The following ZP3 variants were observed in gnomAD, a reference collection of about 807,000 sequenced individuals.
ZP3 encodes the protein zona pellucida sperm-binding protein 3.
In ZP3, 21 loss-of-function variants were observed where a neutral mutation model predicts 35.6. The observed-to-expected ratio is 0.59, with a 90% CI of 0.42 to 0.85. The LOEUF is 0.85. ZP3 is among the 40% of genes least tolerant of loss of function. The pLI, the probability that ZP3 is intolerant of heterozygous loss-of-function variation, is 0.00. For missense variants in ZP3, 437 were observed against 536.5 expected, an observed-to-expected ratio of 0.81 and a Z score of 1.83; for synonymous variants, 207 against 214.5, an observed-to-expected ratio of 0.96 and a Z score of 0.31.
chr7:76,433,891 G>C (rs1407737828), intron 4 of ZP3, 147 bp from the exon 5 acceptor site: 1 of 927,506 alleles, frequency 1.1e-6, no homozygotes, highest in African/African-American at 1.7e-5. Context: ...TAGAGACAAG[G>C]TTTCACCATG....
upstream of ZP3, among the ~76,000 whole-genome samples, chr7:76,422,085 G>A (rs1176461543): frequency 9.9e-5 from 15 of 152,064 alleles, no homozygotes; most frequent in Non-Finnish European, 2.1e-4. Flanking sequence ...TAGTAGAGAC[G>A]GGGTTTCTCC....
chr7:76,403,778 C>T (rs1406737833), intron 1 of ZP3, among the ~76,000 whole-genome samples: 1 of 152,072 alleles, frequency 6.6e-6, no homozygotes, highest in Admixed American at 6.6e-5. Flanking sequence ...TCTCCTGCCT[C>T]AGCCTCCTGA....
chr7:76,416,885 C>T (rs867717085), intron 1 of ZP3, among the ~76,000 whole-genome samples: 22 of 139,740 alleles, frequency 1.6e-4, no homozygotes, highest in African/African-American at 5.3e-4. Context: ...TACACACATA[C>T]ATATATATAC....
At chr7:76,416,945 CAT>C (rs35169816) in intron 1 of ZP3, among the ~76,000 whole-genome samples, 28,105 of 72,794 alleles carry the variant, frequency 0.39, 3,376 homozygotes, top group East Asian at 0.56. Flanking sequence ...TGTATACATA[CAT>C]ATATATATAT....
rs10233572 is a variant in ZP3 at position 76,426,907 on chromosome 7, C to A, written c.312+1631C>A. On this transcript the variant is annotated intron_variant, in intron 1 of 7. Coordinates refer to ENST00000394857, the MANE Select transcript of ZP3 (RefSeq NM_001110354.2). ...ACACACACACACACACACACACACA[C>A]AATAGGGTGTGGTGGCGCCTGCCTT... 6.7e-3 allele frequency among the ~76,000 whole-genome samples: 847 copies of A among 126,892 alleles called. 18 individuals carry two copies. Among genetic ancestry groups the A allele is most frequent in the African/African-American group, 0.018 (577 of 32,000 alleles). 83.2% of individuals were successfully genotyped at this position (126,892 alleles called of 152,430 possible).
At chr7:76,419,896 G>A (rs896449195) in intron 1 of ZP3, among the ~76,000 whole-genome samples, 3 of 150,852 alleles carry the variant, frequency 2.0e-5, no homozygotes, top group Non-Finnish European at 4.4e-5. Context: ...CCGCCTCCCA[G>A]GTTCAAGCGA....
Position 76,440,504 on chromosome 7 carries a change from T to A in ZP3, c.953T>A (p.Ile318Asn), listed in dbSNP as rs1346272492. The A allele has an allele frequency of 3.1e-6, 5 of 1,614,108 alleles. No homozygotes were observed. The highest frequency in any genetic ancestry group is 1.7e-5 in the Admixed American group (1 of 59,988). ...TTCCCAGTGGAAGGCTCGGCTGACA[T>A]CTGTCAATGCTGTAACAAAGGTGAC... is the stretch of plus-strand genomic sequence containing the variant. ...SWFPVEGSAD[I>N]CQCCNKGDCG... The change falls in exon 7 of 8, where the codon ATC (isoleucine) becomes AAC (asparagine). Residue 318 changes from isoleucine (I) to asparagine (N), a missense_variant. Physicochemically the swap from Ile to Asn is moderately radical, Grantham distance 149. This residue lies in a region of ZP3 where 41 missense variants were observed against 50.2 expected (regional missense o/e 0.82). Coordinates refer to ENST00000394857, the MANE Select transcript of ZP3 (RefSeq NM_001110354.2).
intron 1 of ZP3, among the ~76,000 whole-genome samples, chr7:76,399,417 C>T (rs1804741823): frequency 1.3e-5 from 2 of 152,142 alleles, no homozygotes; most frequent in Admixed American, 1.3e-4. Flanking sequence ...GGGATTGGGC[C>T]TCAATCTGTG....
At chr7:76,429,768 T>C in intron 2 of ZP3, 135 bp downstream of exon 2, 1 of 777,752 alleles carries the variant, frequency 1.3e-6, no homozygotes, top group Middle Eastern at 3.6e-4. Context: ...CAGCTGTGGT[T>C]ACTGTACTGC....
intron 1 of ZP3, among the ~76,000 whole-genome samples, chr7:76,406,287 G>A (rs1223410878): frequency 2.6e-5 from 4 of 152,210 alleles, no homozygotes; most frequent in East Asian, 1.9e-4. Flanking sequence ...CTGTGCATTC[G>A]AAATATAGTA....
upstream of ZP3, among the ~76,000 whole-genome samples, chr7:76,422,338 G>T (rs1328639350): frequency 6.6e-6 from 1 of 152,056 alleles, no homozygotes; most frequent in Non-Finnish European, 1.5e-5. Flanking sequence ...GCTTCACCAG[G>T]TTACCTACCC....
At chr7:76,400,872 G>A (rs1804801577) in intron 1 of ZP3, 1 of 1,262,456 alleles carries the variant, frequency 7.9e-7, no homozygotes, top group South Asian at 1.4e-5. Flanking sequence ...AAAATGGGGA[G>A]ACTACAGCTC....
At chr7:76,440,069 A>ACT in intron 5 of ZP3, 181 bp from the exon 6 acceptor site, 1 of 1,078,728 alleles carries the variant, frequency 9.3e-7, no homozygotes, top group Non-Finnish European at 1.3e-6. Flanking sequence ...TTGGTCTCGA[A>ACT]CTCCTGACCT....
chr7:76,419,959 G>A (rs111785984), upstream of ZP3, among the ~76,000 whole-genome samples: 1 of 151,636 alleles, frequency 6.6e-6, no homozygotes. Flanking sequence ...GCGACACCAC[G>A]CCCAGCTAAT....
chr7:76,419,685 C>G (rs956145953), intron 1 of ZP3, among the ~76,000 whole-genome samples: 1 of 104,022 alleles, frequency 9.6e-6, no homozygotes, highest in Non-Finnish European at 1.9e-5. Context: ...CTTTCGTTCT[C>G]TTTCTCTCTC....
intron 5 of ZP3, 117 bp from the exon 6 acceptor site, chr7:76,440,133 C>T: frequency 6.8e-7 from 1 of 1,479,764 alleles, no homozygotes; most frequent in Non-Finnish European, 9.1e-7. Flanking sequence ...AGGTGTGTGC[C>T]AATGCACCCG....
intron 1 of ZP3, among the ~76,000 whole-genome samples, chr7:76,416,827 T>TATAC (rs1270478243): frequency 3.4e-5 from 5 of 147,706 alleles, no homozygotes; most frequent in South Asian, 2.1e-4. Flanking sequence ...TATATATATA[T>TATAC]ACATATACAT....
At chr7:76,427,273 T>G (rs1191279455) in intron 1 of ZP3, among the ~76,000 whole-genome samples, 1 of 152,068 alleles carries the variant, frequency 6.6e-6, no homozygotes, top group Non-Finnish European at 1.5e-5. Flanking sequence ...TCCCAGCACT[T>G]TGGGAGGCCG....
In ZP3 at chr7:76,405,294, TATATATATATA is replaced by T. The variant is rs1563686839; in HGVS notation, c.-67+7498_-67+7508del. Among the ~76,000 whole-genome samples the T allele has an allele frequency of 4.7e-4, 25 of 53,106 alleles. 1 individual carries two copies. Among genetic ancestry groups the T allele is most frequent in the African/African-American group, 1.9e-3 (24 of 12,426 alleles). 34.8% of individuals were successfully genotyped at this position (53,106 alleles called of 152,430 possible). ...AATTATATATATATATATATATATA[TATATATATATA>T]TATATATATATGTATTTTTTTCTTT... On this transcript the variant is annotated intron_variant, in intron 1 of 8. Coordinates refer to the ZP3 transcript ENST00000336517.
Sources: gnomAD v4.1 joint callset for allele counts (sites outside exome capture counted in the v4.1 genomes callset) on GRCh38, gnomAD v4.1.1 for gene constraint, gnomAD v4.1.1 regional missense constraint, MANE v1.5 for transcripts, NCBI Gene and HGNC (gene_info 2026-07-23, HGNC 2026-07-21) for gene names.